COL6A5: variants seen among roughly 807,000 people sequenced by gnomAD.
COL6A5 encodes the protein collagen alpha-5(VI) chain.
Under a neutral mutation model 65.6 loss-of-function variants are expected in COL6A5, and 48 were observed. That is an observed-to-expected ratio of 0.73 (90% CI 0.58 to 0.93). The LOEUF (loss-of-function observed/expected upper bound fraction) is 0.93. COL6A5 is among the 40% of genes least tolerant of loss of function. The pLI is 0.00. For missense variants in COL6A5, 914 were observed against 928.3 expected, an observed-to-expected ratio of 0.98 and a Z score of 0.20; for synonymous variants, 291 against 322.8, an observed-to-expected ratio of 0.90 and a Z score of 1.05.
At chr3:130,424,072 C>T (rs1242872488) in intron 29 of COL6A5, among the ~76,000 whole-genome samples, 172 bp downstream of exon 29, 1 of 152,082 alleles carries the variant, frequency 6.6e-6, no homozygotes, top group Admixed American at 6.6e-5. Flanking sequence ...GAGTGGATGA[C>T]ATATTCTGTC....
At chr3:130,362,596 A>T (rs1423134679) in intron 1 of COL6A5, among the ~76,000 whole-genome samples, 1 of 151,994 alleles carries the variant, frequency 6.6e-6, no homozygotes, top group East Asian at 1.9e-4. Flanking sequence ...TCTCCTTTAA[A>T]ATTGTATTGT....
At chr3:130,449,714 G>A (rs1257140962) in intron 4 of COL6A5, among the ~76,000 whole-genome samples, 1 of 152,090 alleles carries the variant, frequency 6.6e-6, no homozygotes, top group Non-Finnish European at 1.5e-5. Flanking sequence ...TTCACCGCCG[G>A]AGCCCATCCC....
At chr3:130,445,857 C>T (rs192179568) in intron 4 of COL6A5, among the ~76,000 whole-genome samples, 1 of 152,094 alleles carries the variant, frequency 6.6e-6, no homozygotes. Context: ...TGTTACTAAA[C>T]CATGTGAGTC....
chr3:130,413,145 C>T (rs991345841), intron 20 of COL6A5, among the ~76,000 whole-genome samples: 10 of 151,964 alleles, frequency 6.6e-5, no homozygotes. Flanking sequence ...AATCAGGGGC[C>T]CAGGACAGAA....
chr3:130,366,008 C>T (rs930745715), intron 1 of COL6A5, among the ~76,000 whole-genome samples: 6 of 152,132 alleles, frequency 3.9e-5, no homozygotes, highest in South Asian at 4.1e-4. Flanking sequence ...TAATGAGGCA[C>T]GCAACCAGAC....
intron 1 of COL6A5, among the ~76,000 whole-genome samples, chr3:130,349,738 C>T (rs1934632347): frequency 6.6e-6 from 1 of 152,130 alleles, no homozygotes; most frequent in Non-Finnish European, 1.5e-5. Context: ...AAATATCTCT[C>T]TAGATTATAT....
At chr3:130,420,576 T>C (rs915428075) in intron 25 of COL6A5, among the ~76,000 whole-genome samples, 1 of 152,110 alleles carries the variant, frequency 6.6e-6, no homozygotes, top group Non-Finnish European at 1.5e-5. Context: ...TCGAAGAATA[T>C]GTACATGTTT....
At chr3:130,427,147 C>T (rs1937621874), upstream of COL6A5, among the ~76,000 whole-genome samples, 1 of 152,070 alleles carries the variant, frequency 6.6e-6, no homozygotes, top group South Asian at 2.1e-4. Flanking sequence ...TTGAAAAATA[C>T]AGGCATTAAA....
In COL6A5 at chr3:130,382,215, AAAAC is replaced by A. The variant is rs1300567856; in HGVS notation, c.1300+2180_1300+2183del. On this transcript the variant is annotated intron_variant and NMD_transcript_variant, in intron 4 of 41. Coordinates refer to the COL6A5 transcript ENST00000312481. ...AGCACCAGAGTTGTCCCAGGCAAGG[AAAAC>A]AAACAAACAAACAACAACAAAAAAC... Among the ~76,000 whole-genome samples, 3 of 152,156 alleles carry A rather than the reference AAAAC, an allele frequency of 2.0e-5. No individual in the cohort carries two copies. The East Asian group carries it at 5.8e-4, about 29-fold the overall frequency.
At chr3:130,426,539 C>A, upstream of COL6A5, 1 of 889,774 alleles carries the variant, frequency 1.1e-6, no homozygotes, top group Non-Finnish European at 1.8e-6. Context: ...GTCTGGAGTG[C>A]CTACTGTAGA....
intron 13 of COL6A5, 50 bp downstream of exon 13, chr3:130,403,712 C>G (rs1474658602): frequency 1.2e-6 from 1 of 852,498 alleles, no homozygotes; most frequent in Non-Finnish European, 1.6e-6. Context: ...ACACTGTACA[C>G]ACACACACAC....
intron 29 of COL6A5, among the ~76,000 whole-genome samples, chr3:130,425,877 A>G (rs1937592699): frequency 6.6e-6 from 1 of 152,192 alleles, no homozygotes; most frequent in Admixed American, 6.5e-5. Flanking sequence ...AATTTTAAGC[A>G]TTCTTATGAG....
Position 130,401,865 on chromosome 3 carries a change from C to T in COL6A5, c.4227+11C>T, listed in dbSNP as rs1360298762. The T allele has an allele frequency of 6.5e-7, 1 of 1,539,436 alleles. No homozygotes were observed. Among genetic ancestry groups the T allele is most frequent in the Non-Finnish European group, 8.8e-7 (1 of 1,135,944 alleles). ...CTACAAGCCATGAAGGTGCCACTCACCTGTGATACTATTTTATCTAATGTG... is the reference window on the plus strand; with the variant it reads ...CTACAAGCCATGAAGGTGCCACTCATCTGTGATACTATTTTATCTAATGTG... On this transcript the variant is annotated intron_variant and NMD_transcript_variant, in intron 12 of 41. Transcript: ENST00000312481.
At chr3:130,394,987 C>T (rs1445602580) in exon 8 of COL6A5, 6 of 1,551,294 alleles carry the variant, frequency 3.9e-6, no homozygotes, top group Non-Finnish European at 5.2e-6. Context: ...TCTTGTCAGA[C>T]TTAATCGATA....
At chr3:130,434,505 T>C (rs1205483559) in intron 1 of COL6A5, among the ~76,000 whole-genome samples, 1 of 152,230 alleles carries the variant, frequency 6.6e-6, no homozygotes, top group Non-Finnish European at 1.5e-5. Flanking sequence ...CCTTGAGGAA[T>C]CGTCATGCTG....
intron 1 of COL6A5, among the ~76,000 whole-genome samples, chr3:130,434,083 C>T (rs2221007): frequency 0.017 from 2,659 of 152,110 alleles, 81 homozygotes; most frequent in African/African-American, 0.06. Flanking sequence ...TAAGTTTCCT[C>T]GCCTCAACCC....
At chr3:130,380,683 G>A (rs1935966456) in intron 4 of COL6A5, among the ~76,000 whole-genome samples, 1 of 152,116 alleles carries the variant, frequency 6.6e-6, no homozygotes, top group Admixed American at 6.6e-5. Flanking sequence ...TAAATGTCAT[G>A]TAGTTTTAAT....
At chr3:130,483,115 C>A (rs575164807) in intron 7 of COL6A5, among the ~76,000 whole-genome samples, 1 of 152,240 alleles carries the variant, frequency 6.6e-6, no homozygotes, top group East Asian at 1.9e-4. Flanking sequence ...AATTTCATAT[C>A]TAGCCAAACT....
chr3:130,461,330 T>G (rs534109648), intron 5 of COL6A5, among the ~76,000 whole-genome samples: 1 of 152,242 alleles, frequency 6.6e-6, no homozygotes, highest in Admixed American at 6.5e-5. Context: ...CTGTATCACT[T>G]GACTGATGAA....
Sources: allele counts gnomAD v4.1 joint callset (sites outside exome capture counted in the v4.1 genomes callset), GRCh38; gene constraint gnomAD v4.1.1; transcripts MANE v1.5; gene names NCBI Gene and HGNC (gene_info 2026-07-23, HGNC 2026-07-21).